MTM1: variants seen among roughly 807,000 people sequenced by gnomAD.
MTM1 encodes myotubularin 1.
Under a neutral mutation model 52.1 loss-of-function variants are expected in MTM1, and 9 were observed. The ratio of observed to expected loss-of-function variants is 0.17; its 90% CI spans 0.10 to 0.30. MTM1 has a LOEUF of 0.30. Among genes scored for constraint, MTM1 ranks in the 10% least tolerant of loss-of-function variants. The pLI is 1.00. For synonymous variants in MTM1, 136 were observed against 163.8 expected (o/e 0.83, Z 1.29); for missense variants, 277 against 470.7 (o/e 0.59, Z 3.81).
At chrX:150,619,208 C>G in intron 6 of MTM1, 69 bp downstream of exon 6, 1 of 733,071 alleles carries the variant, frequency 1.4e-6, no homozygotes, top group Non-Finnish European at 2.2e-6. Flanking sequence ...TGCCTGCAAA[C>G]TGGGATCCTC....
intron 10 of MTM1, 136 bp from the exon 11 acceptor site, chrX:150,657,685 T>C (rs1557414495): frequency 5.2e-6 from 3 of 572,303 alleles, no homozygotes. Flanking sequence ...ATCCTGCAGC[T>C]CTTAGTGTTT....
chrX:150,583,476 A>T lies in MTM1; in HGVS notation c.-10-9129A>T, dbSNP rs373387640. ...TATATATAATTATAAATATATATAA[A>T]TTATATATATTATATATAAATTATA... On this transcript the variant is annotated intron_variant, in intron 1 of 14. Transcript: ENST00000370396. Among the ~76,000 whole-genome samples the T allele has an allele frequency of 3.4e-3, 88 of 25,641 alleles. 11 individuals are homozygous for T. The highest frequency in any genetic ancestry group is 0.01 in the African/African-American group (68 of 6,609). The allele number at this position is 25,641 out of a possible 115,157, so 22.3% of individuals were successfully genotyped here. A position where few individuals can be genotyped will look rare whatever the true frequency, so the allele number is the denominator to read the frequency against.
chrX:150,632,804 C>T (rs182779482), intron 6 of MTM1, among the ~76,000 whole-genome samples: 11 of 110,801 alleles, frequency 9.9e-5, no homozygotes, highest in Admixed American at 1.9e-4. Context: ...GATGGTGGGG[C>T]CAGTGGTTGA....
rs1271561894 is a variant in MTM1 at position 150,579,301 on chromosome X, G to A, written c.-11+10639G>A. Among the ~76,000 whole-genome samples, 16 of 110,590 alleles carry A rather than the reference G, an allele frequency of 1.4e-4. 1 individual carries two copies. Among genetic ancestry groups the A allele is most frequent in the Admixed American group, 1.2e-3 (12 of 10,387 alleles). On this transcript the variant is annotated intron_variant, in intron 1 of 14. Transcript: ENST00000370396. ...ACTCCTGACCTCAGGTAATCTGCCC[G>A]CCTCGTCCTCCCAAAGTGCTGGGAT...
In MTM1 at chrX:150,628,938, C is replaced by G. The variant is rs1488138393; in HGVS notation, c.444+9799C>G. ...TCAAGAAATCCTACTGCCTCTGCCC[C>G]CTAAAGTGCTGGGATTACAGGCATG... On this transcript the variant is annotated intron_variant, in intron 6 of 14. Coordinates refer to ENST00000370396, the MANE Select transcript of MTM1 (RefSeq NM_000252.3). 3.6e-5 allele frequency among the ~76,000 whole-genome samples: 4 copies of G among 110,706 alleles called. No homozygotes were observed. In the East Asian group the frequency reaches 1.1e-3, roughly 31 times the overall value.
intron 1 of MTM1, among the ~76,000 whole-genome samples, chrX:150,586,835 A>C (rs984261006): frequency 9.5e-6 from 1 of 105,677 alleles, no homozygotes; most frequent in Non-Finnish European, 1.9e-5. Flanking sequence ...AATCACTCAA[A>C]CCCAGGAGGC....
chrX:150,656,466 C>CA (rs2040116337), intron 10 of MTM1, among the ~76,000 whole-genome samples: 1 of 111,940 alleles, frequency 8.9e-6, no homozygotes, highest in Non-Finnish European at 1.9e-5. Flanking sequence ...ACTGTGATCT[C>CA]AAACTTCTAG....
intron 6 of MTM1, 45 bp downstream of exon 6, chrX:150,619,184 T>G: frequency 1.0e-6 from 1 of 969,373 alleles, no homozygotes; most frequent in Non-Finnish European, 1.5e-6. Flanking sequence ...TCTCAGTGCC[T>G]CCTCTGTGAA....
intron 6 of MTM1, among the ~76,000 whole-genome samples, chrX:150,638,158 C>T (rs782200591): frequency 1.5e-4 from 17 of 111,877 alleles, no homozygotes; most frequent in South Asian, 3.8e-4. Flanking sequence ...AATGGGGAGA[C>T]TGTGGGAAGA....
At chrX:150,573,294 A>G (rs781840935) in intron 1 of MTM1, among the ~76,000 whole-genome samples, 12 of 112,338 alleles carry the variant, frequency 1.1e-4, no homozygotes, top group African/African-American at 3.9e-4. Flanking sequence ...TTGTCTTGCC[A>G]CCCTTTTCTT....
intron 13 of MTM1, 36 bp from the exon 14 acceptor site, chrX:150,663,397 T>G: frequency 8.3e-7 from 1 of 1,204,784 alleles, no homozygotes; most frequent in Non-Finnish European, 1.1e-6. Flanking sequence ...GTGTTTTTAC[T>G]TAGGCTCTCC....
intron 9 of MTM1, among the ~76,000 whole-genome samples, chrX:150,647,273 C>T (rs1462243905): frequency 1.9e-5 from 2 of 103,653 alleles, no homozygotes; most frequent in Non-Finnish European, 3.9e-5. Flanking sequence ...TATAGCATTA[C>T]AATGAAGTAT....
chrX:150,597,492 T>A (rs782474682), intron 3 of MTM1, among the ~76,000 whole-genome samples: 1 of 111,821 alleles, frequency 8.9e-6, no homozygotes, highest in Non-Finnish European at 1.9e-5. Context: ...GAAGTTTTGG[T>A]GGTAGGTATC....
chrX:150,617,552 G>A (rs2039406225), intron 5 of MTM1, among the ~76,000 whole-genome samples: 1 of 112,172 alleles, frequency 8.9e-6, no homozygotes, highest in African/African-American at 3.2e-5. Flanking sequence ...AGCTGGCAAG[G>A]CCTAGTAGAT....
At chrX:150,630,166 C>T (rs1443639698) in intron 6 of MTM1, among the ~76,000 whole-genome samples, 2 of 112,056 alleles carry the variant, frequency 1.8e-5, no homozygotes, top group African/African-American at 3.2e-5. Context: ...AATCTCAGCT[C>T]ACTGCAACCT....
intron 4 of MTM1, among the ~76,000 whole-genome samples, chrX:150,599,048 C>T (rs2039026276): frequency 8.9e-6 from 1 of 111,909 alleles, no homozygotes; most frequent in African/African-American, 3.3e-5. Context: ...TAAAAAAATA[C>T]AGATGTCCTG....
At chrX:150,670,376 G>GT (rs1190063853) in intron 14 of MTM1, among the ~76,000 whole-genome samples, 3 of 112,051 alleles carry the variant, frequency 2.7e-5, no homozygotes, top group Non-Finnish European at 5.6e-5. Flanking sequence ...GGGCTATGCT[G>GT]TTTTGATTCC....
Position 150,657,847 on chromosome X carries a change from A to G in MTM1, c.1080A>G (p.Val360=), listed in dbSNP as rs782202285. The part of the protein sequence containing the change: ...IKLVLTGAIQ[V]ADKVSSGKSS... ...TCGTTTTGACAGGAGCCATTCAAGT[A>G]GCAGACAAAGTTTCTTCAGGGAAGA... is the stretch of plus-strand genomic sequence containing the variant. The change falls in exon 11 of 15, where the codon GTA becomes GTG. Residue 360 remains valine, a synonymous_variant. Coordinates refer to ENST00000370396, the MANE Select transcript of MTM1 (RefSeq NM_000252.3). The G allele has an allele frequency of 1.2e-5, 14 of 1,211,898 alleles. No homozygotes were observed. The highest frequency in any genetic ancestry group is 1.8e-5 in the South Asian group (1 of 57,012).
Position 150,663,625 on chromosome X carries a change from CT to C in MTM1, c.1644+17del. On this transcript the variant is annotated intron_variant, in intron 14 of 14. Transcript: ENST00000370396. Reference sequence around the variant, plus strand: ...CAAGCAACAAGTAAGTGAAGTAGCACTGTTAAAAGATAGCAATGTCAACTGC... The same window carrying C: ...CAAGCAACAAGTAAGTGAAGTAGCACGTTAAAAGATAGCAATGTCAACTGC... The C allele has an allele frequency of 8.4e-7, 1 of 1,187,731 alleles. No individual in the cohort carries two copies. Among genetic ancestry groups the C allele is most frequent in the South Asian group, 1.8e-5 (1 of 56,382 alleles).
Sources: gnomAD v4.1 joint callset for allele counts (sites outside exome capture counted in the v4.1 genomes callset) on GRCh38, gnomAD v4.1.1 for gene constraint, MANE v1.5 for transcripts, NCBI Gene and HGNC (gene_info 2026-07-23, HGNC 2026-07-21) for gene names.